The following SLC4A10 variants were observed in gnomAD, a reference collection of about 807,000 sequenced individuals.
SLC4A10 encodes solute carrier family 4 member 10.
Under a neutral mutation model 137.7 loss-of-function variants are expected in SLC4A10, and 42 were observed. That is an observed-to-expected ratio of 0.30 (90% CI 0.24 to 0.39). SLC4A10 has a LOEUF of 0.39. Among genes scored for constraint, SLC4A10 ranks in the 10% least tolerant of loss-of-function variants. SLC4A10 has a pLI of 1.00. For synonymous variants in SLC4A10, 474 were observed against 464.1 expected, an observed-to-expected ratio of 1.02 and a Z score of -0.27; for missense variants, 925 against 1,355.0, an observed-to-expected ratio of 0.68 and a Z score of 4.98.
At chr2:161,898,810 A>G (rs913965669) in intron 11 of SLC4A10, among the ~76,000 whole-genome samples, 2 of 152,128 alleles carry the variant, frequency 1.3e-5, no homozygotes, top group Non-Finnish European at 2.9e-5. Flanking sequence ...AAGCTGAAGG[A>G]AAACATGTAA....
intron 3 of SLC4A10, among the ~76,000 whole-genome samples, chr2:161,838,007 G>T (rs1304111691): frequency 6.6e-6 from 1 of 152,164 alleles, no homozygotes. Flanking sequence ...CCTGATTTCA[G>T]ACATCCAGGC....
intron 8 of SLC4A10, among the ~76,000 whole-genome samples, chr2:161,878,023 G>A (rs1012093794): frequency 6.6e-6 from 1 of 152,022 alleles, no homozygotes; most frequent in Admixed American, 6.6e-5. Context: ...CATATTTAAT[G>A]TAGTCACTAA....
At chr2:161,800,088 A>G (rs2055205348) in intron 2 of SLC4A10, among the ~76,000 whole-genome samples, 1 of 152,054 alleles carries the variant, frequency 6.6e-6, no homozygotes, top group Admixed American at 6.6e-5. Context: ...GTAAACACAG[A>G]GCTGTAGAAA....
At chr2:161,833,936 C>T (rs2058598436) in intron 3 of SLC4A10, among the ~76,000 whole-genome samples, 1 of 152,330 alleles carries the variant, frequency 6.6e-6, no homozygotes, top group East Asian at 1.9e-4. Flanking sequence ...CTGAATGTGG[C>T]TTCTGCAGAA....
intron 1 of SLC4A10, among the ~76,000 whole-genome samples, chr2:161,683,101 G>C (rs2124839391): frequency 6.6e-6 from 1 of 152,300 alleles, no homozygotes; most frequent in Non-Finnish European, 1.5e-5. Flanking sequence ...CTATGGAAGA[G>C]TGTGAATACA....
At chr2:161,763,318 T>C (rs964106955) in intron 1 of SLC4A10, among the ~76,000 whole-genome samples, 2 of 152,060 alleles carry the variant, frequency 1.3e-5, no homozygotes, top group African/African-American at 4.8e-5. Context: ...GTTTTAGTCA[T>C]TAAAATAAAC....
At chr2:161,952,833 G>A (rs529305324) in intron 19 of SLC4A10, among the ~76,000 whole-genome samples, 117 of 152,074 alleles carry the variant, frequency 7.7e-4, no homozygotes, top group Non-Finnish European at 1.1e-3. Flanking sequence ...TGGTTTTCCC[G>A]TTAACAACAA....
intron 3 of SLC4A10, among the ~76,000 whole-genome samples, chr2:161,839,525 TTTTA>T (rs1326105817): frequency 3.3e-5 from 5 of 151,858 alleles, no homozygotes; most frequent in African/African-American, 4.8e-5. Context: ...AATAATCATA[TTTTA>T]TTTATTATTT....
intron 4 of SLC4A10, among the ~76,000 whole-genome samples, chr2:161,841,498 A>G (rs749262747): frequency 2.6e-5 from 4 of 152,220 alleles, no homozygotes; most frequent in Non-Finnish European, 5.9e-5. Context: ...GCTGTCTGAA[A>G]GCCACAGTAA....
intron 6 of SLC4A10, among the ~76,000 whole-genome samples, chr2:161,863,270 T>C (rs1021581192): frequency 1.3e-5 from 2 of 152,092 alleles, no homozygotes; most frequent in Non-Finnish European, 2.9e-5. Flanking sequence ...CCTGAAAGGT[T>C]CAGGAAAAAA....
chr2:161,950,819 A>G lies in SLC4A10; in HGVS notation c.2512A>G (p.Ile838Val), dbSNP rs1174744776. The change falls in exon 19 of 27, where the codon ATC becomes GTC. Residue 838 changes from isoleucine (I) to valine (V), a missense_variant. Ile to Val is a conservative substitution (Grantham distance 29, BLOSUM62 3). Transcript: ENST00000446997. ...IFMDQQITAV[I>V]INRKEHKLKK... Reference sequence around the variant, plus strand: ...TATGGACCAACAGATTACAGCTGTCATCATCAACAGGAAAGAGCATAAGCT... The same window carrying G: ...TATGGACCAACAGATTACAGCTGTCGTCATCAACAGGAAAGAGCATAAGCT... 6.2e-7 allele frequency: 1 copy of G among 1,605,772 alleles called. No individual in the cohort carries two copies. The highest frequency in any genetic ancestry group is 8.5e-7 in the Non-Finnish European group (1 of 1,175,690).
chr2:161,896,956 T>C (rs960380908), intron 11 of SLC4A10, among the ~76,000 whole-genome samples: 5 of 152,104 alleles, frequency 3.3e-5, no homozygotes, highest in Non-Finnish European at 7.4e-5. Flanking sequence ...TCCTTGTATG[T>C]TTTGATACAT....
At chr2:161,877,004 T>G (rs1243155627) in intron 8 of SLC4A10, among the ~76,000 whole-genome samples, 1 of 152,084 alleles carries the variant, frequency 6.6e-6, no homozygotes, top group East Asian at 1.9e-4. Context: ...TTAATGTTTT[T>G]TCTAAATAAC....
At chr2:161,909,252 T>A (rs72865256) in intron 15 of SLC4A10, among the ~76,000 whole-genome samples, 10,170 of 150,880 alleles carry the variant, frequency 0.067, 436 homozygotes, top group East Asian at 0.13. Context: ...ATTAAATATA[T>A]AAAAAAAAAG....
At chr2:161,895,325 G>C (rs1403439226) in intron 11 of SLC4A10, among the ~76,000 whole-genome samples, 1 of 152,144 alleles carries the variant, frequency 6.6e-6, no homozygotes, top group Non-Finnish European at 1.5e-5. Flanking sequence ...TTGGACATTT[G>C]GGTTGGTTCC....
At chr2:161,743,109 C>A (rs938576362) in intron 1 of SLC4A10, among the ~76,000 whole-genome samples, 1 of 152,136 alleles carries the variant, frequency 6.6e-6, no homozygotes, top group Non-Finnish European at 1.5e-5. Flanking sequence ...TGTACAGAAG[C>A]TTTTTAACTT....
At chr2:161,934,952 T>C (rs900904536) in intron 15 of SLC4A10, among the ~76,000 whole-genome samples, 5 of 152,202 alleles carry the variant, frequency 3.3e-5, no homozygotes, top group Non-Finnish European at 7.4e-5. Flanking sequence ...ATCTCATTTG[T>C]CTATCTTTGC....
At chr2:161,844,636 G>GAAA (rs1255627479) in intron 4 of SLC4A10, among the ~76,000 whole-genome samples, 17 of 152,054 alleles carry the variant, frequency 1.1e-4, no homozygotes, top group African/African-American at 4.1e-4. Context: ...AAGTTAAACT[G>GAAA]AGTTAGTGAG....
At chr2:161,894,023 A>C (rs1243204979) in intron 10 of SLC4A10, among the ~76,000 whole-genome samples, 2 of 152,062 alleles carry the variant, frequency 1.3e-5, no homozygotes, top group Admixed American at 6.6e-5. Context: ...ACCATCATAA[A>C]GTCAAAAGAT....
Sources: gnomAD v4.1 joint callset for allele counts (sites outside exome capture counted in the v4.1 genomes callset) on GRCh38, gnomAD v4.1.1 for gene constraint, MANE v1.5 for transcripts, NCBI Gene and HGNC (gene_info 2026-07-23, HGNC 2026-07-21) for gene names.